KIAA1217: variants seen among roughly 807,000 people sequenced by gnomAD.
The protein encoded by KIAA1217 is KIAA1217, also known as sickle tail protein homolog.
In KIAA1217, 88 loss-of-function variants were observed where a neutral mutation model predicts 163.9. The ratio of observed to expected loss-of-function variants is 0.54; its 90% CI spans 0.45 to 0.64. The LOEUF is 0.64. Ranked by LOEUF, KIAA1217 falls within the 30% of genes least tolerant of loss-of-function variation. The pLI is 0.00. For missense variants in KIAA1217, 2,372 were observed against 2,475.0 expected (o/e 0.96, Z 0.88); for synonymous variants, 903 against 923.1 (o/e 0.98, Z 0.39).
At position 24,072,921 on chromosome 10, in the gene KIAA1217, C is replaced by G. The variant is rs553118523; in HGVS notation, c.-171+65547C>G. Among the ~76,000 whole-genome samples, 46 of 151,910 alleles carry G rather than the reference C, an allele frequency of 3.0e-4. 1 individual carries two copies. The highest frequency in any genetic ancestry group is 1.2e-4 in the Non-Finnish European group (8 of 67,934). ...AGAAATACAAAATTTAACTGGGCAT[C>G]ATGGTGCATGCCTGTAATCCCAGCT... On this transcript the variant is annotated intron_variant, in intron 2 of 18. Transcript: ENST00000376462.
At position 24,438,591 on chromosome 10, in the gene KIAA1217, C is replaced by T. The variant is rs140662549; in HGVS notation, c.846+112C>T. 124 of 704,038 alleles carry T rather than the reference C, an allele frequency of 1.8e-4. No individual in the cohort carries two copies. In the East Asian group the frequency reaches 2.3e-3, roughly 13 times the overall value. 43.6% of individuals were successfully genotyped at this position (704,038 alleles called of 1,614,324 possible). On this transcript the variant is annotated intron_variant, in intron 5 of 20. Transcript: ENST00000376454. ...TACAACTGAGTTTTGGAGGGTTCTC[C>T]GCACTCATCTCACCTAGTGGATCAT...
intron 3 of KIAA1217, among the ~76,000 whole-genome samples, chr10:24,390,680 T>C (rs1008584497): frequency 6.6e-6 from 1 of 152,212 alleles, no homozygotes; most frequent in Admixed American, 6.5e-5. Context: ...CTTGATGTAA[T>C]GAATGTCCTG....
intron 1 of KIAA1217, among the ~76,000 whole-genome samples, chr10:23,834,655 G>A (rs1838363996): frequency 6.6e-6 from 1 of 152,160 alleles, no homozygotes; most frequent in Non-Finnish European, 1.5e-5. Context: ...AGGGGGCAGT[G>A]TGGCTGGAAT....
chr10:24,317,186 G>A (rs987209171), intron 2 of KIAA1217, among the ~76,000 whole-genome samples: 10 of 152,144 alleles, frequency 6.6e-5, no homozygotes, highest in African/African-American at 2.4e-4. Flanking sequence ...ATTATGTTAT[G>A]TTCAATGTAT....
At chr10:24,024,935 G>T (rs765602489) in intron 2 of KIAA1217, among the ~76,000 whole-genome samples, 16 of 151,642 alleles carry the variant, frequency 1.1e-4, no homozygotes, top group Admixed American at 6.6e-5. Flanking sequence ...ATGCAAGTCT[G>T]TTATCAGAAT....
At chr10:24,371,407 A>C (rs974040988) in intron 2 of KIAA1217, among the ~76,000 whole-genome samples, 2 of 152,210 alleles carry the variant, frequency 1.3e-5, no homozygotes, top group Non-Finnish European at 2.9e-5. Flanking sequence ...AAAATTCCAA[A>C]TTTACCTAGA....
At chr10:24,409,248 C>A (rs1240343495) in intron 3 of KIAA1217, among the ~76,000 whole-genome samples, 1 of 152,114 alleles carries the variant, frequency 6.6e-6, no homozygotes. Flanking sequence ...TCAAATATTA[C>A]TATTTTATTT....
intron 2 of KIAA1217, among the ~76,000 whole-genome samples, chr10:24,313,284 G>T (rs1014183257): frequency 6.6e-6 from 1 of 152,168 alleles, no homozygotes; most frequent in African/African-American, 2.4e-5. Context: ...AGCCCTCATT[G>T]CCAACAGAGA....
intron 2 of KIAA1217, among the ~76,000 whole-genome samples, chr10:24,366,480 G>A (rs898345349): frequency 3.3e-5 from 5 of 152,088 alleles, no homozygotes; most frequent in African/African-American, 1.2e-4. Context: ...AAAGTCAGTG[G>A]CATCAATGAG....
chr10:24,317,064 AACG>A (rs2043480031), intron 2 of KIAA1217, among the ~76,000 whole-genome samples: 1 of 152,138 alleles, frequency 6.6e-6, no homozygotes, highest in Admixed American at 6.6e-5. Flanking sequence ...AATTATTATA[AACG>A]TTGGCCATGT....
intron 1 of KIAA1217, among the ~76,000 whole-genome samples, chr10:23,814,480 T>G (rs1837225068): frequency 6.6e-6 from 1 of 152,208 alleles, no homozygotes; most frequent in Non-Finnish European, 1.5e-5. Flanking sequence ...CTATTTCCCA[T>G]GACTGTTCAC....
intron 2 of KIAA1217, among the ~76,000 whole-genome samples, chr10:24,358,716 T>A (rs1274863314): frequency 1.3e-5 from 2 of 152,218 alleles, no homozygotes; most frequent in East Asian, 3.8e-4. Flanking sequence ...GGCTGAATAG[T>A]CACCCTGTAT....
intron 1 of KIAA1217, among the ~76,000 whole-genome samples, chr10:23,830,221 A>G (rs1349757874): frequency 1.3e-5 from 2 of 152,172 alleles, no homozygotes; most frequent in Non-Finnish European, 2.9e-5. Flanking sequence ...CTCCCTTAAA[A>G]AGAAGAATTC....
At chr10:24,471,638 T>C (rs1454438991) in intron 5 of KIAA1217, among the ~76,000 whole-genome samples, 1 of 151,434 alleles carries the variant, frequency 6.6e-6, no homozygotes, top group East Asian at 1.9e-4. Flanking sequence ...ATCCCAGCAC[T>C]GTGGGAGGCC....
chr10:23,943,957 G>A (rs1196726889), intron 1 of KIAA1217, among the ~76,000 whole-genome samples: 1 of 152,136 alleles, frequency 6.6e-6, no homozygotes, highest in African/African-American at 2.4e-5. Context: ...AAAAATAAAA[G>A]CTAAAACTAA....
intron 1 of KIAA1217, among the ~76,000 whole-genome samples, chr10:23,818,510 C>T (rs932062139): frequency 6.6e-6 from 1 of 151,710 alleles, no homozygotes; most frequent in South Asian, 2.1e-4. Context: ...TTGGTAGTAG[C>T]CCCAGCAAGA....
intron 1 of KIAA1217, among the ~76,000 whole-genome samples, chr10:23,849,709 A>G (rs1487353268): frequency 1.3e-5 from 2 of 152,132 alleles, no homozygotes. Context: ...AACTTAAAAA[A>G]AAGAGTTGCT....
rs1255645777 is a variant in KIAA1217 at position 23,818,008 on chromosome 10, TAC to T, written c.-321+122780_-321+122781del. Among the ~76,000 whole-genome samples the T allele has an allele frequency of 1.0e-3, 87 of 87,252 alleles. 2 individuals are homozygous for T. The highest frequency in any genetic ancestry group is 6.8e-3 in the South Asian group (18 of 2,658). 57.2% of individuals were successfully genotyped at this position (87,252 alleles called of 152,430 possible). ...ATATATATATATATATATATATATA[TAC>T]ACACATATATATACACACATATATA... On this transcript the variant is annotated intron_variant, in intron 1 of 18. Coordinates refer to the KIAA1217 transcript ENST00000376462.
At chr10:24,506,585 C>T (rs1468788784) in intron 9 of KIAA1217, among the ~76,000 whole-genome samples, 1 of 152,234 alleles carries the variant, frequency 6.6e-6, no homozygotes, top group Non-Finnish European at 1.5e-5. Context: ...TGCAACTCTA[C>T]TTGCCCTCCC....
Sources: gnomAD v4.1 joint callset for allele counts (sites outside exome capture counted in the v4.1 genomes callset) on GRCh38, gnomAD v4.1.1 for gene constraint, MANE v1.5 for transcripts, NCBI Gene and HGNC (gene_info 2026-07-23, HGNC 2026-07-21) for gene names.